The following CUBN variants were observed in gnomAD, a reference collection of about 807,000 sequenced individuals.
CUBN encodes the protein cubilin.
CUBN carries 282 observed loss-of-function variants against 405.3 expected under a neutral mutation model. That is an observed-to-expected ratio of 0.70 (90% confidence interval 0.63 to 0.77). The LOEUF is 0.77. Ranked by LOEUF, CUBN falls within the 30% of genes least tolerant of loss-of-function variation. The pLI is 0.00. For missense variants in CUBN, 4,514 were observed against 4,475.2 expected (o/e 1.01, Z -0.25); for synonymous variants, 1,684 against 1,617.0 (o/e 1.04, Z -0.99).
chr10:17,058,302 G>A (rs902617734), intron 22 of CUBN, among the ~76,000 whole-genome samples: 56 of 152,096 alleles, frequency 3.7e-4, no homozygotes, highest in African/African-American at 1.3e-3. Flanking sequence ...AGAAGTATTC[G>A]ATAGCTTGAA....
intron 27 of CUBN, among the ~76,000 whole-genome samples, chr10:17,029,749 T>A (rs1418436611): frequency 6.6e-6 from 1 of 152,148 alleles, no homozygotes; most frequent in Admixed American, 6.5e-5. Context: ...ATAATCAAAG[T>A]CGGCTCAGAT....
intron 56 of CUBN, among the ~76,000 whole-genome samples, chr10:16,879,766 T>C (rs1177152222): frequency 6.6e-6 from 1 of 152,218 alleles, no homozygotes; most frequent in African/African-American, 2.4e-5. Context: ...GAGAGATTTG[T>C]GGCATTTGCC....
chr10:17,106,360 G>C (rs1297331268), intron 10 of CUBN, among the ~76,000 whole-genome samples: 2 of 146,788 alleles, frequency 1.4e-5, no homozygotes, highest in African/African-American at 4.9e-5. Context: ...CCTGAACTTT[G>C]GGAGGCCGAG....
intron 62 of CUBN, among the ~76,000 whole-genome samples, chr10:16,838,976 G>A (rs1340114785): frequency 1.3e-5 from 2 of 152,072 alleles, no homozygotes; most frequent in Non-Finnish European, 2.9e-5. Flanking sequence ...ATATTACCAT[G>A]AATATAAACC....
chr10:17,033,818 C>T (rs1834832585), intron 27 of CUBN, among the ~76,000 whole-genome samples: 1 of 152,166 alleles, frequency 6.6e-6, no homozygotes, highest in African/African-American at 2.4e-5. Flanking sequence ...TGTATGAGTT[C>T]TCCATAACAG....
intron 6 of CUBN, among the ~76,000 whole-genome samples, chr10:17,119,973 G>A (rs1836999613): frequency 6.6e-6 from 1 of 152,196 alleles, no homozygotes; most frequent in African/African-American, 2.4e-5. Flanking sequence ...TCCAGTTAAA[G>A]ACTCCTTTTT....
rs1841586807 is a variant in CUBN, at chr10:16,907,521, G to A, written c.7692C>T (p.Ser2564=). The change falls in exon 49 of 67, where the codon TCC becomes TCT. Residue 2564 remains serine, a synonymous_variant. Coordinates refer to ENST00000377833, the MANE Select transcript of CUBN (RefSeq NM_001081.4). The part of the protein sequence containing the change: ...PYGGFTASYT[S]SEDAVCGGSL... Reference sequence around the variant, plus strand: ...ATCCTACATTACCTGCATCTTCACTGGAGGTATAGGAAGCAGTGAAGCCGC... The same window carrying A: ...ATCCTACATTACCTGCATCTTCACTAGAGGTATAGGAAGCAGTGAAGCCGC... The A allele has an allele frequency of 6.2e-7, 1 of 1,613,998 alleles. No individual in the cohort carries two copies. Among genetic ancestry groups the A allele is most frequent in the Admixed American group, 1.7e-5 (1 of 60,000 alleles).
chr10:17,061,691 T>C (rs1344183111), intron 22 of CUBN, among the ~76,000 whole-genome samples: 1 of 152,178 alleles, frequency 6.6e-6, no homozygotes, highest in African/African-American at 2.4e-5. Flanking sequence ...AGGGCTCATC[T>C]CTAATCCTGT....
chr10:17,085,822 T>G, intron 15 of CUBN, 63 bp from the exon 16 acceptor site: 1 of 1,415,224 alleles, frequency 7.1e-7, no homozygotes, highest in South Asian at 1.2e-5. Context: ...CTAGGTCACT[T>G]TGGATATTAA....
intron 45 of CUBN, among the ~76,000 whole-genome samples, chr10:16,916,699 CCAA>C (rs1317238023): frequency 6.6e-6 from 1 of 152,080 alleles, no homozygotes; most frequent in Admixed American, 6.6e-5. Context: ...CTATTAGATA[CCAA>C]ATTATGTGCT....
At chr10:16,912,227 C>G (rs929837861) in intron 48 of CUBN, among the ~76,000 whole-genome samples, 2 of 152,088 alleles carry the variant, frequency 1.3e-5, no homozygotes, top group Non-Finnish European at 2.9e-5. Flanking sequence ...TCATAAGATA[C>G]AAAGATATTT....
chr10:16,882,911 G>A (rs1246910895), intron 56 of CUBN, among the ~76,000 whole-genome samples: 1 of 152,096 alleles, frequency 6.6e-6, no homozygotes, highest in Non-Finnish European at 1.5e-5. Context: ...CTACTCGGGA[G>A]GCTGAGCCAT....
chr10:17,002,276 C>T (rs922109228), intron 28 of CUBN, among the ~76,000 whole-genome samples: 3 of 151,776 alleles, frequency 2.0e-5, no homozygotes, highest in Non-Finnish European at 4.4e-5. Flanking sequence ...TTGTGTCATA[C>T]GAAAAAGTGT....
At chr10:17,098,197 T>C (rs1836417116) in intron 14 of CUBN, among the ~76,000 whole-genome samples, 1 of 152,024 alleles carries the variant, frequency 6.6e-6, no homozygotes, top group South Asian at 2.1e-4. Context: ...GCCACTGGAG[T>C]AGGCCATCTT....
At chr10:17,010,200 T>C (rs1354191179) in intron 28 of CUBN, among the ~76,000 whole-genome samples, 1 of 152,230 alleles carries the variant, frequency 6.6e-6, no homozygotes, top group Non-Finnish European at 1.5e-5. Context: ...TTCCCAGGAT[T>C]CTCCTGACCT....
chr10:16,841,417 G>C (rs924881503), intron 60 of CUBN, among the ~76,000 whole-genome samples: 2 of 152,010 alleles, frequency 1.3e-5, no homozygotes, highest in Non-Finnish European at 2.9e-5. Flanking sequence ...GATTCTGCTC[G>C]TGTTCCTCTT....
chr10:16,901,564 C>T (rs1841372313), intron 51 of CUBN, 105 bp from the exon 52 acceptor site: 4 of 1,449,106 alleles, frequency 2.8e-6, no homozygotes, highest in Non-Finnish European at 3.8e-6. Context: ...TGATTAAAAA[C>T]ATAGTAAGGC....
Position 16,978,756 on chromosome 10 carries a change from T to G in CUBN, c.4695+3728A>C, listed in dbSNP as rs139543380. Among the ~76,000 whole-genome samples the G allele has an allele frequency of 5.2e-4, 79 of 152,258 alleles. 1 individual carries two copies. The East Asian group carries it at 0.012, about 24-fold the overall frequency. On this transcript the variant is annotated intron_variant, in intron 31 of 66. Coordinates refer to ENST00000377833, the MANE Select transcript of CUBN (RefSeq NM_001081.4). The stretch of plus-strand genomic sequence containing the variant: ...ACACAAATGAAAGATGAAAAACTTT[T>G]TGTTAGAAAATCAGGTAGCCCGGAA...
intron 4 of CUBN, 34 bp from the exon 5 acceptor site, chr10:17,123,723 T>G (rs778893018): frequency 2.7e-6 from 4 of 1,500,294 alleles, no homozygotes; most frequent in Non-Finnish European, 3.7e-6. Context: ...ATGAGATGAC[T>G]TGCAGTCAGC....
Sources: gnomAD v4.1 joint callset for allele counts (sites outside exome capture counted in the v4.1 genomes callset) on GRCh38, gnomAD v4.1.1 for gene constraint, MANE v1.5 for transcripts, NCBI Gene and HGNC (gene_info 2026-07-23, HGNC 2026-07-21) for gene names.